UGT2B7: variants seen among roughly 807,000 people sequenced by gnomAD.
UGT2B7 encodes UDP glucuronosyltransferase family 2 member B7, also known as UDP-glucuronosyltransferase 2B7.
A neutral mutation model predicts 51.9 loss-of-function variants in UGT2B7; 51 were observed. That is an observed-to-expected ratio of 0.98 (90% CI 0.78 to 1.24). UGT2B7 has a LOEUF of 1.24. Ranked by LOEUF, UGT2B7 falls within the 50% of genes most tolerant of loss-of-function variation. The pLI is 0.00. For missense variants in UGT2B7, 727 were observed against 628.4 expected (o/e 1.16, Z -1.68); for synonymous variants, 225 against 211.6 (o/e 1.06, Z -0.55).
chr4:69,112,434 C>T (rs776334878), intron 5 of UGT2B7, 23 bp from the exon 6 acceptor site: 3 of 1,606,368 alleles, frequency 1.9e-6, no homozygotes, highest in African/African-American at 1.3e-5. Context: ...TGCTACATTA[C>T]TGTCTTTATT....
At chr4:69,066,939 A>G (rs1350661658) in intron 1 of UGT2B7, among the ~76,000 whole-genome samples, 1 of 152,080 alleles carries the variant, frequency 6.6e-6, no homozygotes, top group African/African-American at 2.4e-5. Context: ...ACATTTCATG[A>G]TGGAGTGTGG....
intron 1 of UGT2B7, among the ~76,000 whole-genome samples, chr4:69,082,336 G>C (rs986373511): frequency 4.0e-5 from 6 of 151,720 alleles, no homozygotes; most frequent in African/African-American, 1.5e-4. Flanking sequence ...AGGAAGGCAT[G>C]TTAAAAGCTC....
intron 1 of UGT2B7, among the ~76,000 whole-genome samples, chr4:69,057,826 C>T (rs1718240843): frequency 6.6e-6 from 1 of 152,124 alleles, no homozygotes; most frequent in African/African-American, 2.4e-5. Flanking sequence ...CAAGTTAACC[C>T]ACTGAATGCT....
intron 1 of UGT2B7, among the ~76,000 whole-genome samples, chr4:69,065,219 A>G (rs552308082): frequency 1.3e-5 from 2 of 152,314 alleles, no homozygotes; most frequent in African/African-American, 4.8e-5. Context: ...TTTAGAAAAA[A>G]GGAAGCCCAA....
intron 1 of UGT2B7, among the ~76,000 whole-genome samples, chr4:69,072,089 A>G (rs1577911319): frequency 6.6e-6 from 1 of 152,136 alleles, no homozygotes; most frequent in Admixed American, 6.6e-5. Context: ...CTTTTCACAT[A>G]AAGTACCATG....
chr4:69,051,888 GT>G (rs1431341906), intron 1 of UGT2B7, among the ~76,000 whole-genome samples: 2 of 152,146 alleles, frequency 1.3e-5, no homozygotes, highest in African/African-American at 2.4e-5. Context: ...GCTGATTTTG[GT>G]TTTGATTTTG....
At chr4:69,073,850 CCT>C (rs950548170) in intron 1 of UGT2B7, among the ~76,000 whole-genome samples, 3 of 152,090 alleles carry the variant, frequency 2.0e-5, no homozygotes, top group African/African-American at 7.2e-5. Context: ...TTAGATAATT[CCT>C]CTTTTGGGCT....
chr4:69,079,468 G>C (rs914209057), intron 1 of UGT2B7, among the ~76,000 whole-genome samples: 1 of 152,044 alleles, frequency 6.6e-6, no homozygotes, highest in Non-Finnish European at 1.5e-5. Flanking sequence ...ATGTACCCTA[G>C]AACTTAAAGT....
intron 1 of UGT2B7, among the ~76,000 whole-genome samples, chr4:69,062,721 T>G (rs950092002): frequency 2.3e-4 from 35 of 152,186 alleles, no homozygotes; most frequent in African/African-American, 8.4e-4. Context: ...GACCAGTCTA[T>G]GCATGGTGGA....
chr4:69,089,225 G>T (rs1263887986), intron 1 of UGT2B7, among the ~76,000 whole-genome samples: 1 of 152,088 alleles, frequency 6.6e-6, no homozygotes, highest in East Asian at 1.9e-4. Context: ...TAAAAGAGCT[G>T]TATATTTATC....
intron 1 of UGT2B7, among the ~76,000 whole-genome samples, chr4:69,082,215 C>A (rs780925959): frequency 2.0e-5 from 3 of 151,912 alleles, no homozygotes; most frequent in African/African-American, 4.8e-5. Context: ...TCCTGAGACA[C>A]AACAACATTG....
chr4:69,059,678 G>T (rs1285303324), intron 1 of UGT2B7, among the ~76,000 whole-genome samples: 3 of 152,034 alleles, frequency 2.0e-5, no homozygotes, highest in Non-Finnish European at 4.4e-5. Context: ...GCTACTCCCT[G>T]AGGCCATACT....
At position 69,053,941 on chromosome 4, in the gene UGT2B7, G is replaced by A. The variant is rs112965614; in HGVS notation, c.-159+2339G>A. On this transcript the variant is annotated intron_variant, in intron 1 of 5. Coordinates refer to the UGT2B7 transcript ENST00000502942. ...AAAGAAAATAATAAGATATCATAAA[G>A]CGAGAGAAGCCCCTTATAGGTCTTC... is the stretch of plus-strand genomic sequence containing the variant. Among the ~76,000 whole-genome samples the A allele has an allele frequency of 6.5e-4, 99 of 152,188 alleles. 1 individual carries two copies. Among genetic ancestry groups the A allele is most frequent in the African/African-American group, 2.3e-3 (94 of 41,524 alleles).
intron 1 of UGT2B7, 150 bp from the exon 2 acceptor site, chr4:69,098,390 A>G (rs1315856796): frequency 1.3e-6 from 1 of 781,220 alleles, no homozygotes; most frequent in African/African-American, 1.8e-5. Flanking sequence ...ACATAAAATT[A>G]AATTATATCT....
At chr4:69,097,747 TG>T (rs1719289385) in intron 1 of UGT2B7, among the ~76,000 whole-genome samples, 1 of 152,026 alleles carries the variant, frequency 6.6e-6, no homozygotes, top group Non-Finnish European at 1.5e-5. Flanking sequence ...ATACCTCAGA[TG>T]CAAAAATCAA....
chr4:69,084,083 A>C (rs766136604), intron 1 of UGT2B7, among the ~76,000 whole-genome samples: 2 of 152,104 alleles, frequency 1.3e-5, no homozygotes, highest in African/African-American at 2.4e-5. Flanking sequence ...AGTTTTCATC[A>C]TGAAGAAATG....
chr4:69,075,039 T>G (rs571558188), intron 1 of UGT2B7, among the ~76,000 whole-genome samples: 1 of 152,294 alleles, frequency 6.6e-6, no homozygotes, highest in African/African-American at 2.4e-5. Flanking sequence ...TATTTTAAAA[T>G]GCTTAATGAA....
chr4:69,087,449 T>C (rs999133903), intron 1 of UGT2B7, among the ~76,000 whole-genome samples: 3 of 152,028 alleles, frequency 2.0e-5, no homozygotes, highest in Admixed American at 2.0e-4. Context: ...ATCTTCATGA[T>C]AAAGATATAA....
intron 1 of UGT2B7, among the ~76,000 whole-genome samples, chr4:69,055,891 C>T (rs1442184526): frequency 2.6e-5 from 4 of 152,276 alleles, no homozygotes; most frequent in African/African-American, 9.6e-5. Flanking sequence ...TATAATAGTA[C>T]CACAAAAACA....
Sources: gnomAD v4.1 joint callset for allele counts (sites outside exome capture counted in the v4.1 genomes callset) on GRCh38, gnomAD v4.1.1 for gene constraint, MANE v1.5 for transcripts, NCBI Gene and HGNC (gene_info 2026-07-23, HGNC 2026-07-21) for gene names.